Variants in LMBR1 observed in about 807,000 individuals in gnomAD.
LMBR1 encodes limb development membrane protein 1, also known as limb region 1 protein homolog.
Under a neutral mutation model 73.9 loss-of-function variants are expected in LMBR1, and 52 were observed. The ratio of observed to expected loss-of-function variants is 0.70; its 90% CI spans 0.56 to 0.89. LMBR1 has a LOEUF of 0.89. LMBR1 is among the 40% of genes least tolerant of loss of function. LMBR1 has a pLI of 0.00. For synonymous variants in LMBR1, 215 were observed against 209.4 expected, an observed-to-expected ratio of 1.03 and a Z score of -0.23; for missense variants, 539 against 579.8, an observed-to-expected ratio of 0.93 and a Z score of 0.72.
intron 9 of LMBR1, among the ~76,000 whole-genome samples, chr7:156,739,328 C>T (rs1384357888): frequency 1.3e-5 from 2 of 151,624 alleles, no homozygotes; most frequent in Admixed American, 6.6e-5. Context: ...AACTCTGCCT[C>T]CCAGACAGCA....
rs1804496188 is a variant in LMBR1, at chr7:156,678,713, TACGGG to T, written c.*5360_*5364del. 1 of 152,150 alleles carries T rather than the reference TACGGG, an allele frequency of 6.6e-6. No homozygotes were observed. The highest frequency in any genetic ancestry group is 2.4e-5 in the African/African-American group (1 of 41,428). The allele number at this position is 152,150 out of a possible 1,614,324, so 9.4% of individuals were successfully genotyped here. A position where few individuals can be genotyped will look rare whatever the true frequency, so the allele number is the denominator to read the frequency against. ...CTTCCTGGTCAGCTACAGCAGTCCC[TACGGG>T]ATGTGGCCATTCCTCCCTTATTTTA... On this transcript the variant is annotated 3_prime_UTR_variant, in exon 17 of 17. Transcript: ENST00000353442.
At chr7:156,734,294 A>G (rs764932336) in intron 9 of LMBR1, 37 bp from the exon 10 acceptor site, 1 of 1,352,272 alleles carries the variant, frequency 7.4e-7, no homozygotes, top group South Asian at 1.3e-5. Flanking sequence ...GTAAAACAGA[A>G]CCCCTAACAC....
At chr7:156,738,576 G>A (rs1324852944) in intron 9 of LMBR1, among the ~76,000 whole-genome samples, 1 of 152,208 alleles carries the variant, frequency 6.6e-6, no homozygotes, top group African/African-American at 2.4e-5. Context: ...CCTTCCTTCT[G>A]CTCGAAGAGA....
chr7:156,734,755 C>A (rs560383750), intron 9 of LMBR1, among the ~76,000 whole-genome samples: 1 of 152,314 alleles, frequency 6.6e-6, no homozygotes, highest in Non-Finnish European at 1.5e-5. Context: ...CTTGGGCTTA[C>A]TATAGAAAGT....
intron 15 of LMBR1, among the ~76,000 whole-genome samples, chr7:156,718,085 C>T (rs998280257): frequency 2.6e-5 from 4 of 152,118 alleles, no homozygotes; most frequent in Non-Finnish European, 4.4e-5. Flanking sequence ...TCAGAAATGA[C>T]TGTGCATATG....
chr7:156,865,377 A>G (rs75476565), intron 1 of LMBR1, among the ~76,000 whole-genome samples: 15,746 of 152,264 alleles, frequency 0.1, 1,159 homozygotes, highest in East Asian at 0.29. Context: ...ATTTAACAAA[A>G]GAGGAGTCAA....
chr7:156,842,430 AC>A (rs1838885551), intron 1 of LMBR1, among the ~76,000 whole-genome samples: 1 of 140,540 alleles, frequency 7.1e-6, no homozygotes. Flanking sequence ...AAGGAATAAC[AC>A]GTTTTAAGAC....
At chr7:156,702,366 T>C (rs1457994648) in intron 15 of LMBR1, among the ~76,000 whole-genome samples, 2 of 152,264 alleles carry the variant, frequency 1.3e-5, no homozygotes, top group Non-Finnish European at 2.9e-5. Context: ...TGCATTTCTC[T>C]AATGCTCAGT....
At position 156,842,189 on chromosome 7, in the gene LMBR1, A is replaced by G. The variant is rs933530203; in HGVS notation, c.67-5304T>C. 8.6e-5 allele frequency among the ~76,000 whole-genome samples: 13 copies of G among 150,744 alleles called. 1 individual carries two copies. Among genetic ancestry groups the G allele is most frequent in the African/African-American group, 3.2e-4 (13 of 41,234 alleles). ...GTGAGGGAAGAAGTGCTGCAGGGTA[A>G]TAAGGAATCAGAGAGACCGATGGGG... is the stretch of plus-strand genomic sequence containing the variant. On this transcript the variant is annotated intron_variant, in intron 1 of 16. Transcript: ENST00000353442.
chr7:156,767,191 G>C (rs907526404), intron 5 of LMBR1, among the ~76,000 whole-genome samples: 1 of 152,074 alleles, frequency 6.6e-6, no homozygotes, highest in African/African-American at 2.4e-5. Context: ...GAGCATGCAG[G>C]GGAACTTTAG....
intron 5 of LMBR1, among the ~76,000 whole-genome samples, chr7:156,779,280 G>A (rs985635551): frequency 2.6e-5 from 4 of 152,082 alleles, no homozygotes; most frequent in Admixed American, 6.6e-5. Context: ...TTACTTTAGC[G>A]AAACTCCTTC....
chr7:156,755,496 T>C (rs1585580033), intron 9 of LMBR1, among the ~76,000 whole-genome samples: 1 of 152,234 alleles, frequency 6.6e-6, no homozygotes, highest in South Asian at 2.1e-4. Flanking sequence ...AGGGAGCAGC[T>C]TGACACATAC....
At chr7:156,804,984 G>T (rs535387783) in intron 4 of LMBR1, among the ~76,000 whole-genome samples, 1 of 151,834 alleles carries the variant, frequency 6.6e-6, no homozygotes. Context: ...CATTTAAGTC[G>T]ATGATCCCTT....
chr7:156,711,609 A>C (rs1812094895), intron 15 of LMBR1, among the ~76,000 whole-genome samples: 1 of 152,194 alleles, frequency 6.6e-6, no homozygotes. Context: ...ATTATACAAC[A>C]AGGATACAGT....
chr7:156,712,729 A>G (rs796217687), intron 15 of LMBR1, among the ~76,000 whole-genome samples: 26 of 152,322 alleles, frequency 1.7e-4, no homozygotes, highest in African/African-American at 5.8e-4. Context: ...GGGTGGAATC[A>G]TCATCTTAAG....
chr7:156,867,723 C>T (rs1798666329), intron 1 of LMBR1, among the ~76,000 whole-genome samples: 1 of 152,032 alleles, frequency 6.6e-6, no homozygotes, highest in African/African-American at 2.4e-5. Flanking sequence ...TCTATATAGG[C>T]AAATCTAGGC....
At chr7:156,865,271 C>T (rs1238161925) in intron 1 of LMBR1, among the ~76,000 whole-genome samples, 1 of 151,946 alleles carries the variant, frequency 6.6e-6, no homozygotes, top group Non-Finnish European at 1.5e-5. Flanking sequence ...CATGCCACTG[C>T]ACTCCAGGCA....
At chr7:156,710,889 T>C (rs1026908434) in intron 15 of LMBR1, among the ~76,000 whole-genome samples, 13 of 151,956 alleles carry the variant, frequency 8.6e-5, no homozygotes, top group African/African-American at 2.4e-4. Context: ...AACAAAATAA[T>C]TGTCAGTCAA....
chr7:156,729,358 G>A (rs1198565324), intron 10 of LMBR1, among the ~76,000 whole-genome samples: 4 of 151,774 alleles, frequency 2.6e-5, no homozygotes, highest in Non-Finnish European at 5.9e-5. Flanking sequence ...TGGGGGTTCT[G>A]AAACCAGTCC....
Sources: allele counts gnomAD v4.1 joint callset (sites outside exome capture counted in the v4.1 genomes callset), GRCh38; gene constraint gnomAD v4.1.1; transcripts MANE v1.5; gene names NCBI Gene and HGNC (gene_info 2026-07-23, HGNC 2026-07-21).